The following R3HDM1 variants were observed in gnomAD, a reference collection of about 807,000 sequenced individuals.
R3HDM1 encodes the protein R3H domain containing 1.
In R3HDM1, 46 loss-of-function variants were observed where a neutral mutation model predicts 141.1. The ratio of observed to expected loss-of-function variants is 0.33; its 90% CI spans 0.26 to 0.42. The LOEUF (loss-of-function observed/expected upper bound fraction) is 0.42. Ranked by LOEUF, R3HDM1 falls within the 10% of genes least tolerant of loss-of-function variation. The pLI is 1.00. For missense variants in R3HDM1, 1,184 were observed against 1,368.3 expected, an observed-to-expected ratio of 0.87 and a Z score of 2.12; for synonymous variants, 435 against 472.9, an observed-to-expected ratio of 0.92 and a Z score of 1.04.
intron 21 of R3HDM1, among the ~76,000 whole-genome samples, chr2:135,706,286 A>G (rs2074901469): frequency 6.6e-6 from 1 of 152,078 alleles, no homozygotes. Flanking sequence ...AATATTGGTA[A>G]TAATTTTTAT....
intron 24 of R3HDM1, among the ~76,000 whole-genome samples, chr2:135,719,049 G>A (rs918056928): frequency 6.6e-6 from 1 of 152,158 alleles, no homozygotes; most frequent in Non-Finnish European, 1.5e-5. Context: ...TCAGGAGGCT[G>A]AGGCAGGAGA....
chr2:135,631,769 T>C lies in R3HDM1; in HGVS notation c.549T>C (p.Gly183=), dbSNP rs1158643823. The change falls in exon 8 of 27, where the codon GGT becomes GGC. Residue 183 remains glycine (G), a synonymous_variant. Transcript: ENST00000683871. ...KLEQEILDFI[G]NNESPRKKFP... is the part of the protein sequence containing the mutation. Reference sequence around the variant, plus strand: ...AACAAGAAATTTTAGATTTCATTGGTAATAATGAGTAAGTCCTGACATTCA... The same window carrying C: ...AACAAGAAATTTTAGATTTCATTGGCAATAATGAGTAAGTCCTGACATTCA... 1.3e-6 allele frequency: 2 copies of C among 1,570,460 alleles called. No homozygotes were observed. Among genetic ancestry groups the C allele is most frequent in the Non-Finnish European group, 1.7e-6 (2 of 1,162,580 alleles).
At chr2:135,549,117 A>AT (rs1699312715) in intron 1 of R3HDM1, among the ~76,000 whole-genome samples, 3 of 152,220 alleles carry the variant, frequency 2.0e-5, no homozygotes, top group African/African-American at 7.2e-5. Flanking sequence ...GACTTTAGGT[A>AT]AATAGGTGTT....
intron 1 of R3HDM1, among the ~76,000 whole-genome samples, chr2:135,560,771 C>T (rs959377933): frequency 2.0e-5 from 3 of 152,140 alleles, no homozygotes; most frequent in African/African-American, 4.8e-5. Flanking sequence ...TTCCCAGTCC[C>T]GTTGCACTTA....
chr2:135,548,730 A>G (rs1487939463), intron 1 of R3HDM1, among the ~76,000 whole-genome samples: 5 of 152,182 alleles, frequency 3.3e-5, no homozygotes, highest in African/African-American at 1.2e-4. Flanking sequence ...AGATTTATCC[A>G]TTTTTGCACA....
chr2:135,685,089 T>C (rs2071105149), intron 21 of R3HDM1, among the ~76,000 whole-genome samples: 2 of 152,218 alleles, frequency 1.3e-5, no homozygotes, highest in Non-Finnish European at 2.9e-5. Flanking sequence ...TAATGTATCA[T>C]GAACATCAGA....
rs187322916 is a variant in R3HDM1 at position 135,642,757 on chromosome 2, G to A, written c.1474+967G>A. ...TCCTGGCCCTTTCCTTTCATTTGTA[G>A]TAGAAAAATCATGGCTTGGGACTCA... On this transcript the variant is annotated intron_variant, in intron 15 of 26. Transcript: ENST00000683871. 1.9e-3 allele frequency among the ~76,000 whole-genome samples: 285 copies of A among 152,202 alleles called. 2 individuals carry two copies. Among genetic ancestry groups the A allele is most frequent in the African/African-American group, 6.7e-3 (277 of 41,544 alleles).
intron 24 of R3HDM1, among the ~76,000 whole-genome samples, chr2:135,720,090 G>A (rs1219844306): frequency 6.6e-6 from 1 of 152,088 alleles, no homozygotes; most frequent in East Asian, 1.9e-4. Flanking sequence ...TGATCCGCCC[G>A]TCTCGGCCTC....
At chr2:135,553,849 C>G (rs901099694) in intron 1 of R3HDM1, among the ~76,000 whole-genome samples, 17 of 152,352 alleles carry the variant, frequency 1.1e-4, no homozygotes, top group African/African-American at 3.4e-4. Context: ...AGCCACCACA[C>G]CCGGCTAATT....
At chr2:135,659,203 T>G (rs1285033362) in intron 18 of R3HDM1, among the ~76,000 whole-genome samples, 1 of 151,924 alleles carries the variant, frequency 6.6e-6, no homozygotes, top group Admixed American at 6.6e-5. Context: ...ATTCAAGCAA[T>G]TCTCCCACCT....
In R3HDM1 at chr2:135,715,612, G is replaced by A; in HGVS notation, c.2799G>A (p.Leu933=). 6.2e-7 allele frequency: 1 copy of A among 1,613,998 alleles called. No individual in the cohort carries two copies. Among genetic ancestry groups the A allele is most frequent in the Non-Finnish European group, 8.5e-7 (1 of 1,179,932 alleles). Residue 933 remains leucine, a synonymous_variant, in exon 24 of 27, where the codon CTG becomes CTA. Coordinates refer to ENST00000683871, the MANE Select transcript of R3HDM1 (RefSeq NM_001378107.1). Reference sequence around the variant, plus strand: ...CTCAGTCGCCAGCACCAGCTCAGCTGTCCACCCTGAAAACTGTACGTCCCT... The same window carrying A: ...CTCAGTCGCCAGCACCAGCTCAGCTATCCACCCTGAAAACTGTACGTCCCT... ...SPAQSPAPAQ[L]STLKTVRPSG...
chr2:135,649,787 G>T (rs1394578624), intron 16 of R3HDM1, 115 bp from the exon 17 acceptor site: 5 of 412,506 alleles, frequency 1.2e-5, no homozygotes, highest in African/African-American at 6.5e-5. Flanking sequence ...TATTTTAAAT[G>T]ACTTTATAAA....
chr2:135,701,914 T>A (rs2074249220), intron 21 of R3HDM1, among the ~76,000 whole-genome samples: 1 of 152,198 alleles, frequency 6.6e-6, no homozygotes, highest in Non-Finnish European at 1.5e-5. Context: ...TTATCTTGTT[T>A]TTAAACAGCT....
intron 21 of R3HDM1, among the ~76,000 whole-genome samples, chr2:135,699,313 T>C (rs943296151): frequency 1.3e-5 from 2 of 152,162 alleles, no homozygotes; most frequent in African/African-American, 4.8e-5. Context: ...CAGAGGATCC[T>C]TTTTTGATTG....
chr2:135,570,487 T>TA (rs1165120155), intron 1 of R3HDM1, among the ~76,000 whole-genome samples: 1 of 152,234 alleles, frequency 6.6e-6, no homozygotes, highest in East Asian at 1.9e-4. Flanking sequence ...TTGTATAACT[T>TA]AATTAGCAGC....
chr2:135,595,592 A>C (rs1350587552), intron 1 of R3HDM1, among the ~76,000 whole-genome samples: 2 of 152,246 alleles, frequency 1.3e-5, no homozygotes, highest in Non-Finnish European at 2.9e-5. Flanking sequence ...CTTAGTAAAT[A>C]ATAAATAACT....
intron 1 of R3HDM1, among the ~76,000 whole-genome samples, chr2:135,562,057 G>A (rs1701902105): frequency 6.6e-6 from 1 of 152,156 alleles, no homozygotes; most frequent in Admixed American, 6.5e-5. Flanking sequence ...TCTAGATACC[G>A]TTAACACAGT....
chr2:135,577,261 CA>C (rs1705657073), intron 1 of R3HDM1: 1 of 959,128 alleles, frequency 1.0e-6, no homozygotes, highest in African/African-American at 1.8e-5. Context: ...GAAAAAAAGT[CA>C]AAAACACAAG....
intron 1 of R3HDM1, among the ~76,000 whole-genome samples, chr2:135,597,533 A>G (rs768331285): frequency 1.3e-4 from 20 of 152,316 alleles, no homozygotes; most frequent in Admixed American, 2.6e-4. Context: ...GGTTGTGCCA[A>G]TTTATAACCT....
Sources: gnomAD v4.1 joint callset for allele counts (sites outside exome capture counted in the v4.1 genomes callset) on GRCh38, gnomAD v4.1.1 for gene constraint, MANE v1.5 for transcripts, NCBI Gene and HGNC (gene_info 2026-07-23, HGNC 2026-07-21) for gene names.